The following CADM2 variants were observed in gnomAD, a reference collection of about 807,000 sequenced individuals.
CADM2 encodes the protein cell adhesion molecule 2.
In CADM2, 12 loss-of-function variants were observed where a neutral mutation model predicts 49.8. The ratio of observed to expected loss-of-function variants is 0.24; its 90% CI spans 0.15 to 0.39. The LOEUF (loss-of-function observed/expected upper bound fraction) is 0.39. Among genes scored for constraint, CADM2 ranks in the 10% least tolerant of loss-of-function variants. The pLI is 1.00. For synonymous variants in CADM2, 214 were observed against 175.4 expected, an observed-to-expected ratio of 1.22 and a Z score of -1.74; for missense variants, 378 against 492.3, an observed-to-expected ratio of 0.77 and a Z score of 2.20.
chr3:85,327,099 G>T (rs1007576925), intron 1 of CADM2, among the ~76,000 whole-genome samples: 6 of 151,108 alleles, frequency 4.0e-5, no homozygotes, highest in African/African-American at 1.5e-4. Flanking sequence ...AATTAAATGG[G>T]TTGGTGTGGG....
chr3:85,046,505 A>C (rs887576380), intron 1 of CADM2, among the ~76,000 whole-genome samples: 2 of 151,912 alleles, frequency 1.3e-5, no homozygotes, highest in Admixed American at 6.6e-5. Context: ...ACTAAGTTAT[A>C]ATGATATTTT....
chr3:86,000,848 T>C (rs1203231261), intron 8 of CADM2, among the ~76,000 whole-genome samples: 1 of 152,032 alleles, frequency 6.6e-6, no homozygotes, highest in South Asian at 2.1e-4. Flanking sequence ...CTAGGAGTGA[T>C]TAAGGAAGAG....
At chr3:85,339,517 C>G (rs1253107941) in intron 1 of CADM2, among the ~76,000 whole-genome samples, 7 of 151,144 alleles carry the variant, frequency 4.6e-5, no homozygotes, top group Non-Finnish European at 8.9e-5. Flanking sequence ...TTTTTCTGTG[C>G]CCTTCCTTTC....
chr3:85,700,228 C>T lies in CADM2; in HGVS notation c.62-26294C>T, dbSNP rs578143331. Among the ~76,000 whole-genome samples the T allele has an allele frequency of 1.2e-4, 19 of 152,142 alleles. No homozygotes were observed. In the South Asian group the frequency reaches 3.1e-3, roughly 25 times the overall value. On this transcript the variant is annotated intron_variant, in intron 1 of 9. Transcript: ENST00000383699. Reference sequence around the variant, plus strand: ...GAAAGCATCATTCTCAGCAAACTATCGCAAAAACAAAAAACCAAACACTGC... The same window carrying T: ...GAAAGCATCATTCTCAGCAAACTATTGCAAAAACAAAAAACCAAACACTGC...
chr3:85,098,584 C>A (rs4856561), intron 1 of CADM2, among the ~76,000 whole-genome samples: 14,518 of 152,168 alleles, frequency 0.095, 1,226 homozygotes, highest in Admixed American at 0.27. Context: ...AGGAGGACAT[C>A]TAGTTTTATA....
chr3:85,635,096 T>G (rs1170950115), intron 1 of CADM2, among the ~76,000 whole-genome samples: 1 of 152,056 alleles, frequency 6.6e-6, no homozygotes, highest in East Asian at 1.9e-4. Context: ...GTTGACAAAA[T>G]GAAAGGGATT....
intron 1 of CADM2, among the ~76,000 whole-genome samples, chr3:85,247,229 A>G (rs2042669568): frequency 6.6e-6 from 1 of 152,146 alleles, no homozygotes; most frequent in South Asian, 2.1e-4. Context: ...AACACAAAAT[A>G]CTGAAATACA....
intron 1 of CADM2, among the ~76,000 whole-genome samples, chr3:85,211,173 TTC>T (rs748292679): frequency 1.2e-4 from 18 of 150,572 alleles, no homozygotes; most frequent in Admixed American, 2.0e-4. Context: ...TTTGCATCTT[TTC>T]TCTCTCTCTC....
intron 8 of CADM2, among the ~76,000 whole-genome samples, chr3:86,035,179 G>A (rs1735004055): frequency 6.6e-6 from 1 of 152,156 alleles, no homozygotes; most frequent in East Asian, 1.9e-4. Flanking sequence ...CACACTTTGT[G>A]TTGTTTTCTG....
intron 1 of CADM2, among the ~76,000 whole-genome samples, chr3:85,033,794 AAG>A (rs2035090430): frequency 6.6e-6 from 1 of 152,018 alleles, no homozygotes; most frequent in South Asian, 2.1e-4. Context: ...CAGGATCAAA[AAG>A]AGAAATGGCC....
intron 1 of CADM2, among the ~76,000 whole-genome samples, chr3:85,027,571 T>C (rs921838660): frequency 6.6e-6 from 1 of 152,106 alleles, no homozygotes; most frequent in East Asian, 1.9e-4. Flanking sequence ...TTATTTGTAT[T>C]ATTTCTAAAT....
chr3:85,975,755 C>CA (rs1559777315), intron 8 of CADM2, among the ~76,000 whole-genome samples: 1 of 151,434 alleles, frequency 6.6e-6, no homozygotes, highest in East Asian at 1.9e-4. Context: ...AAGGAACACA[C>CA]AAAAAAATGA....
chr3:85,176,534 A>G (rs1271882769), intron 1 of CADM2, among the ~76,000 whole-genome samples: 1 of 152,136 alleles, frequency 6.6e-6, no homozygotes, highest in Non-Finnish European at 1.5e-5. Context: ...ATTTTCTAAA[A>G]CTGAAGACTT....
At chr3:85,753,765 G>A (rs1354259220) in intron 2 of CADM2, among the ~76,000 whole-genome samples, 1 of 152,056 alleles carries the variant, frequency 6.6e-6, no homozygotes, top group East Asian at 1.9e-4. Context: ...TATTGTTAGT[G>A]GCCGCGAACT....
chr3:86,005,006 T>C (rs1223817477), intron 8 of CADM2, among the ~76,000 whole-genome samples: 3 of 152,118 alleles, frequency 2.0e-5, no homozygotes, highest in African/African-American at 4.8e-5. Flanking sequence ...CTTTTCCCTC[T>C]CTCTTGTTAA....
chr3:85,003,717 T>C (rs995385539), intron 1 of CADM2, among the ~76,000 whole-genome samples: 1 of 152,144 alleles, frequency 6.6e-6, no homozygotes, highest in African/African-American at 2.4e-5. Flanking sequence ...TAGTGTATTA[T>C]ACAAATAAGT....
At chr3:85,240,632 C>A (rs1433798846) in intron 1 of CADM2, among the ~76,000 whole-genome samples, 1 of 151,316 alleles carries the variant, frequency 6.6e-6, no homozygotes, top group Admixed American at 6.6e-5. Context: ...GTTATTTCCT[C>A]TAAGACTAAG....
intron 8 of CADM2, among the ~76,000 whole-genome samples, chr3:86,009,671 C>G (rs905943332): frequency 2.6e-5 from 4 of 151,802 alleles, no homozygotes; most frequent in Non-Finnish European, 5.9e-5. Flanking sequence ...CTTTCTCCCC[C>G]ATGGGCTGTT....
rs1162572436 is a variant in CADM2 at position 85,784,526 on chromosome 3, ATATTTATC to A, written c.89-17517_89-17510del. ...TGAGAAGAAAGAAAGAGATCTAAATATATTTATCTATCTATCTATCTATCTATCTATCT... is the reference window on the plus strand; with the variant it reads ...TGAGAAGAAAGAAAGAGATCTAAATATATCTATCTATCTATCTATCTATCT... On this transcript the variant is annotated intron_variant, in intron 2 of 9. Transcript: ENST00000383699. Among the ~76,000 whole-genome samples, 6 of 134,186 alleles carry A rather than the reference ATATTTATC, an allele frequency of 4.5e-5. No individual in the cohort carries two copies. The East Asian group carries it at 8.6e-4, about 19-fold the overall frequency. 88.0% of individuals were successfully genotyped at this position (134,186 alleles called of 152,430 possible).
Sources: gnomAD v4.1 joint callset for allele counts (sites outside exome capture counted in the v4.1 genomes callset) on GRCh38, gnomAD v4.1.1 for gene constraint, MANE v1.5 for transcripts, NCBI Gene and HGNC (gene_info 2026-07-23, HGNC 2026-07-21) for gene names.